The following TRAPPC13 variants were observed in gnomAD, a reference collection of about 807,000 sequenced individuals.
The protein encoded by TRAPPC13 is trafficking protein particle complex subunit 13.
A neutral mutation model predicts 54.0 loss-of-function variants in TRAPPC13; 39 were observed. The ratio of observed to expected loss-of-function variants is 0.72; its 90% CI spans 0.56 to 0.94. The LOEUF (loss-of-function observed/expected upper bound fraction) is 0.94. Ranked by LOEUF, TRAPPC13 falls within the 40% of genes least tolerant of loss-of-function variation. The pLI, the probability that TRAPPC13 is intolerant of heterozygous loss-of-function variation, is 0.00. For missense variants in TRAPPC13, 386 were observed against 488.1 expected, an observed-to-expected ratio of 0.79 and a Z score of 1.97; for synonymous variants, 148 against 167.7, an observed-to-expected ratio of 0.88 and a Z score of 0.91.
chr5:65,660,258 T>G (rs1002042800), intron 9 of TRAPPC13, among the ~76,000 whole-genome samples: 2 of 151,986 alleles, frequency 1.3e-5, no homozygotes, highest in African/African-American at 4.8e-5. Flanking sequence ...AAGGTTCTGG[T>G]TTCTGTTGCA....
intron 7 of TRAPPC13, 70 bp downstream of exon 7, chr5:65,652,615 A>T (rs755861208): frequency 4.5e-6 from 5 of 1,106,622 alleles, no homozygotes; most frequent in Non-Finnish European, 7.0e-6. Context: ...AATCTCTTAT[A>T]TACATTTCTA....
chr5:65,629,324 G>C lies in TRAPPC13; in HGVS notation c.46+4218G>C, dbSNP rs1015283441. ...AAGAGAAAGAATTTTCAGGTTTGTA[G>C]ATTACATTCACATTTACCAATAGCA... On this transcript the variant is annotated intron_variant, in intron 1 of 12. Transcript: ENST00000399438. The C allele has an allele frequency of 1.6e-5, 7 of 443,886 alleles. No homozygotes were observed. The Admixed American group carries it at 1.8e-4, about 11-fold the overall frequency. The allele number at this position is 443,886 out of a possible 1,614,324, so 27.5% of individuals were successfully genotyped here. A position where few individuals can be genotyped will look rare whatever the true frequency, so the allele number is the denominator to read the frequency against.
intron 7 of TRAPPC13, among the ~76,000 whole-genome samples, chr5:65,654,262 A>T (rs1230314220): frequency 6.6e-6 from 1 of 152,188 alleles, no homozygotes; most frequent in African/African-American, 2.4e-5. Flanking sequence ...TTGATTTTTC[A>T]TTATACATAC....
intron 4 of TRAPPC13, 22 bp downstream of exon 4, chr5:65,637,802 G>T: frequency 1.4e-6 from 2 of 1,427,088 alleles, no homozygotes; most frequent in Non-Finnish European, 1.9e-6. Context: ...TCTTACTTGG[G>T]ATGTATTTTA....
At chr5:65,653,636 G>T (rs1465589959) in intron 7 of TRAPPC13, among the ~76,000 whole-genome samples, 3 of 152,176 alleles carry the variant, frequency 2.0e-5, no homozygotes, top group Non-Finnish European at 2.9e-5. Flanking sequence ...TTATGGAAGA[G>T]AAGGAAAACT....
chr5:65,626,399 T>C (rs1232494847), intron 1 of TRAPPC13, among the ~76,000 whole-genome samples: 3 of 152,212 alleles, frequency 2.0e-5, no homozygotes, highest in Non-Finnish European at 2.9e-5. Flanking sequence ...GGAACAGTTC[T>C]ATTAACTGCT....
chr5:65,640,529 A>G (rs1026793120), intron 4 of TRAPPC13, among the ~76,000 whole-genome samples: 1 of 152,208 alleles, frequency 6.6e-6, no homozygotes, highest in African/African-American at 2.4e-5. Context: ...GGCCTCTAAA[A>G]TCTAAAATAT....
At chr5:65,660,649 T>C (rs1169855329) in intron 9 of TRAPPC13, 50 bp from the exon 10 acceptor site, 1 of 1,462,322 alleles carries the variant, frequency 6.8e-7, no homozygotes, top group Non-Finnish European at 9.1e-7. Flanking sequence ...TGGTTTTTCT[T>C]TTAAAAGATG....
At chr5:65,632,129 G>C (rs569319643) in intron 1 of TRAPPC13, among the ~76,000 whole-genome samples, 66 of 152,122 alleles carry the variant, frequency 4.3e-4, no homozygotes, top group African/African-American at 1.3e-3. Context: ...GACAGTAGTC[G>C]CAGCCTCTTG....
At position 65,650,835 on chromosome 5, in the gene TRAPPC13, AC is replaced by A. The variant is rs771008308; in HGVS notation, c.455del (p.Thr152IlefsTer23). The A allele has an allele frequency of 6.2e-7, 1 of 1,613,256 alleles. No homozygotes were observed. The highest frequency in any genetic ancestry group is 8.5e-7 in the Non-Finnish European group (1 of 1,179,698). On this transcript the variant is annotated frameshift_variant, in exon 6 of 13. Transcript: ENST00000399438. LOFTEE classifies it high-confidence loss of function. ...CTTGGTATGTGCTGTGAGTTATACA[AC>A]TCAGGCTGGAGAAAAAATGTATTTC... ...HILVCAVSYT[T>X]QAGEKMYFRK...
chr5:65,625,245 G>A, intron 1 of TRAPPC13, 139 bp downstream of exon 1: 1 of 735,838 alleles, frequency 1.4e-6, no homozygotes, highest in Admixed American at 2.4e-5. Flanking sequence ...CCAAGCGGGA[G>A]GAAGCGATTT....
At chr5:65,651,652 G>T (rs75038468) in intron 6 of TRAPPC13, among the ~76,000 whole-genome samples, 4,314 of 149,294 alleles carry the variant, frequency 0.029, 220 homozygotes, top group African/African-American at 0.1. Context: ...TATGTGGGGG[G>T]GGTGGTGAGG....
intron 4 of TRAPPC13, among the ~76,000 whole-genome samples, chr5:65,641,915 A>G (rs1755982115): frequency 6.8e-6 from 1 of 146,942 alleles, no homozygotes; most frequent in South Asian, 2.2e-4. Flanking sequence ...TAAGCAGTTT[A>G]TCTCTAAGGG....
chr5:65,637,066 C>G (rs1347054305), intron 3 of TRAPPC13, among the ~76,000 whole-genome samples: 3 of 152,212 alleles, frequency 2.0e-5, no homozygotes, highest in Non-Finnish European at 4.4e-5. Context: ...AAACTTGGCT[C>G]TCTCTAACCT....
intron 6 of TRAPPC13, among the ~76,000 whole-genome samples, chr5:65,651,647 G>T (rs1054506091): frequency 3.5e-5 from 1 of 28,960 alleles, no homozygotes; most frequent in Non-Finnish European, 1.1e-4. Flanking sequence ...ACATTTATGT[G>T]GGGGGGGTGG....
At chr5:65,637,646 G>GA (rs752544267) in intron 3 of TRAPPC13, 50 bp from the exon 4 acceptor site, 85 of 907,640 alleles carry the variant, frequency 9.4e-5, no homozygotes, top group African/African-American at 4.8e-4. Context: ...AAAAAAAAAA[G>GA]AAAAAAAACC....
chr5:65,633,396 C>G (rs1454307007), intron 1 of TRAPPC13, among the ~76,000 whole-genome samples: 1 of 152,076 alleles, frequency 6.6e-6, no homozygotes. Flanking sequence ...TCTCCTGCCT[C>G]AGCCTCTGCG....
At chr5:65,659,446 G>A (rs1420733318) in intron 9 of TRAPPC13, among the ~76,000 whole-genome samples, 1 of 151,984 alleles carries the variant, frequency 6.6e-6, no homozygotes, top group African/African-American at 2.4e-5. Flanking sequence ...AATCCAGTGA[G>A]GTAAATATGA....
chr5:65,659,967 C>CAAAAA (rs141876171), intron 9 of TRAPPC13, among the ~76,000 whole-genome samples: 80 of 95,208 alleles, frequency 8.4e-4, no homozygotes, highest in African/African-American at 1.0e-3. Flanking sequence ...GTATTTTAAA[C>CAAAAA]AAAAAAAAAA....
Sources: allele counts gnomAD v4.1 joint callset (sites outside exome capture counted in the v4.1 genomes callset), GRCh38; gene constraint gnomAD v4.1.1; transcripts MANE v1.5; gene names NCBI Gene and HGNC (gene_info 2026-07-23, HGNC 2026-07-21).